The following CHST3 variants were observed in gnomAD, a reference collection of about 807,000 sequenced individuals.
CHST3 encodes the protein C6ST-1.
In CHST3, 20 loss-of-function variants were observed where a neutral mutation model predicts 35.4. The observed-to-expected ratio is 0.57, with a 90% CI of 0.40 to 0.82. The LOEUF is 0.82. Among genes scored for constraint, CHST3 ranks in the 40% least tolerant of loss-of-function variants. The pLI is 0.00. For synonymous variants in CHST3, 334 were observed against 295.9 expected, an observed-to-expected ratio of 1.13 and a Z score of -1.32; for missense variants, 693 against 670.1, an observed-to-expected ratio of 1.03 and a Z score of -0.38.
Position 72,012,362 on chromosome 10 carries a change from G to A in CHST3, c.*3891G>A, listed in dbSNP as rs79037746. ...TCTCCTATACTAGGGCCTATTGACC[G>A]TAGAGGCCAGGTGCGGTGGCTCATA... On this transcript the variant is annotated 3_prime_UTR_variant, in exon 3 of 3. Transcript: ENST00000373115. The A allele has an allele frequency of 2.6e-3, 392 of 152,398 alleles. 2 individuals carry two copies. Among genetic ancestry groups the A allele is most frequent in the African/African-American group, 8.3e-3 (347 of 41,564 alleles). The allele number at this position is 152,398 out of a possible 1,614,324, so 9.4% of individuals were successfully genotyped here.
At chr10:71,984,598 G>A (rs1331332457) in intron 1 of CHST3, among the ~76,000 whole-genome samples, 1 of 152,188 alleles carries the variant, frequency 6.6e-6, no homozygotes, top group Non-Finnish European at 1.5e-5. Context: ...GAGCATAGTG[G>A]TTGAATTTGT....
At chr10:71,991,089 G>T (rs1839892864) in intron 1 of CHST3, among the ~76,000 whole-genome samples, 1 of 152,208 alleles carries the variant, frequency 6.6e-6, no homozygotes, top group Non-Finnish European at 1.5e-5. Flanking sequence ...ACAGCCAGGG[G>T]AGAGAGGCCT....
At chr10:71,999,324 C>A (rs751889981) in intron 1 of CHST3, among the ~76,000 whole-genome samples, 1 of 152,252 alleles carries the variant, frequency 6.6e-6, no homozygotes, top group Non-Finnish European at 1.5e-5. Context: ...GAGCCCACTC[C>A]AAGGTGTTTG....
At chr10:71,990,563 A>G (rs1281121107) in intron 1 of CHST3, among the ~76,000 whole-genome samples, 5 of 152,210 alleles carry the variant, frequency 3.3e-5, no homozygotes, top group African/African-American at 1.2e-4. Flanking sequence ...GGGTTTGTCC[A>G]TATTGGTCAG....
intron 1 of CHST3, among the ~76,000 whole-genome samples, chr10:71,967,805 C>G (rs562867955): frequency 3.2e-4 from 49 of 152,102 alleles, no homozygotes; most frequent in Non-Finnish European, 1.3e-4. Flanking sequence ...TGTATAAGCA[C>G]TCTGTTTTTT....
chr10:71,985,718 C>T (rs1006974), intron 1 of CHST3, among the ~76,000 whole-genome samples: 78,042 of 151,984 alleles, frequency 0.51, 20,629 homozygotes, highest in Non-Finnish European at 0.58. Context: ...TAGATTCACA[C>T]GCAATTTTAA....
Position 72,008,476 on chromosome 10 carries a change from G to T in CHST3, c.*5G>T, listed in dbSNP as rs1254476422. ...GGCACCTTCTGGGTCACGTAGGGGG[G>T]CCGGGGCCCCGTATGCCCCTCCTCG... On this transcript the variant is annotated 3_prime_UTR_variant, in exon 3 of 3. Transcript: ENST00000373115. The T allele has an allele frequency of 2.0e-6, 3 of 1,526,996 alleles. No individual in the cohort carries two copies. Among genetic ancestry groups the T allele is most frequent in the South Asian group, 2.5e-5 (2 of 80,350 alleles). 94.6% of individuals were successfully genotyped at this position (1,526,996 alleles called of 1,614,324 possible). A position where few individuals can be genotyped will look rare whatever the true frequency, so the allele number is the denominator to read the frequency against.
chr10:71,981,811 G>A (rs1037986492), intron 1 of CHST3, among the ~76,000 whole-genome samples: 2 of 152,186 alleles, frequency 1.3e-5, no homozygotes, highest in African/African-American at 2.4e-5. Flanking sequence ...TGTCAACCCC[G>A]CCCCTGGCTG....
At position 72,008,040 on chromosome 10, in the gene CHST3, G is replaced by A; in HGVS notation, c.1009G>A (p.Glu337Lys). 1.3e-6 allele frequency: 2 copies of A among 1,549,446 alleles called. No individual in the cohort carries two copies. The highest frequency in any genetic ancestry group is 1.7e-6 in the Non-Finnish European group (2 of 1,146,510). ...GGGCCAGGACGGCCTGAGGGAAGAG[G>A]AGGTGCAGCGGCTGCGGGGCAACTG... Reference protein sequence around the residue: ...DEGQDGLREEEVQRLRGNCES... With the variant: ...DEGQDGLREEKVQRLRGNCES... Residue 337 changes from glutamate (E) to lysine (K), a missense_variant, in exon 3 of 3, where the codon GAG becomes AAG. Glu to Lys is a moderately conservative substitution (Grantham distance 56). Transcript: ENST00000373115.
chr10:71,990,129 T>C (rs1012734312), intron 1 of CHST3, among the ~76,000 whole-genome samples: 35 of 152,214 alleles, frequency 2.3e-4, no homozygotes, highest in African/African-American at 6.3e-4. Flanking sequence ...GTGGAATTCC[T>C]GGGTCGAAGA....
intron 1 of CHST3, among the ~76,000 whole-genome samples, chr10:71,968,850 A>T (rs1839657952): frequency 6.6e-6 from 1 of 152,126 alleles, no homozygotes; most frequent in South Asian, 2.1e-4. Context: ...TTCCAGTGAG[A>T]CATGACTCAC....
chr10:72,000,869 G>T (rs1408385446), intron 1 of CHST3, among the ~76,000 whole-genome samples: 9 of 152,128 alleles, frequency 5.9e-5, no homozygotes, highest in African/African-American at 1.9e-4. Context: ...AAGCAGGAGG[G>T]GGTGTGGGGA....
chr10:71,966,737 T>C (rs1490183482), intron 1 of CHST3, among the ~76,000 whole-genome samples: 4 of 152,238 alleles, frequency 2.6e-5, no homozygotes, highest in Non-Finnish European at 5.9e-5. Context: ...ATACATTTTC[T>C]AATTAAATCA....
chr10:72,008,808 T>G lies in CHST3; in HGVS notation c.*337T>G. ...GACCCTGCAGGCCAGAGTCCAAATA[T>G]TTAACAATCAGAAGGGGCAAGGCTC... is the stretch of plus-strand genomic sequence containing the variant. On this transcript the variant is annotated 3_prime_UTR_variant, in exon 3 of 3. Transcript: ENST00000373115. 4.4e-6 allele frequency: 1 copy of G among 226,256 alleles called. No homozygotes were observed. The highest frequency in any genetic ancestry group is 8.6e-6 in the Non-Finnish European group (1 of 115,660). 14.0% of individuals were successfully genotyped at this position (226,256 alleles called of 1,614,324 possible). A position where few individuals can be genotyped will look rare whatever the true frequency, so the allele number is the denominator to read the frequency against.
At chr10:71,984,752 T>G (rs900558688) in intron 1 of CHST3, among the ~76,000 whole-genome samples, 1 of 152,226 alleles carries the variant, frequency 6.6e-6, no homozygotes, top group African/African-American at 2.4e-5. Context: ...TTAAGTACAT[T>G]TATGTACATG....
chr10:71,987,511 C>T (rs945123838), intron 1 of CHST3, among the ~76,000 whole-genome samples: 1 of 151,858 alleles, frequency 6.6e-6, no homozygotes, highest in African/African-American at 2.4e-5. Flanking sequence ...GTCAGGAGTT[C>T]AAGACCAGCC....
intron 1 of CHST3, among the ~76,000 whole-genome samples, chr10:71,980,147 C>A (rs1402869570): frequency 6.6e-6 from 1 of 152,224 alleles, no homozygotes; most frequent in Admixed American, 6.5e-5. Flanking sequence ...AGCTCTAGAA[C>A]AGTGGCTTTC....
chr10:71,997,845 T>C (rs1839955585), intron 1 of CHST3, among the ~76,000 whole-genome samples: 1 of 152,106 alleles, frequency 6.6e-6, no homozygotes, highest in Admixed American at 6.5e-5. Context: ...TTTTTGTATT[T>C]TTAGTAGAGA....
chr10:72,012,074 A>C lies in CHST3; in HGVS notation c.*3603A>C, dbSNP rs1173442838. 1 of 152,256 alleles carries C rather than the reference A, an allele frequency of 6.6e-6. No individual in the cohort carries two copies. The highest frequency in any genetic ancestry group is 1.9e-4 in the East Asian group (1 of 5,204). The allele number at this position is 152,256 out of a possible 1,614,324, so 9.4% of individuals were successfully genotyped here. A position where few individuals can be genotyped will look rare whatever the true frequency, so the allele number is the denominator to read the frequency against. On this transcript the variant is annotated 3_prime_UTR_variant, in exon 3 of 3. Coordinates refer to ENST00000373115, the MANE Select transcript of CHST3 (RefSeq NM_004273.5). ...GAAAATAAACAGAAAAGAGATGTTT[A>C]ATAACAAGTTTACTTCCGGTCTGCT...
Sources: gnomAD v4.1 joint callset for allele counts (sites outside exome capture counted in the v4.1 genomes callset) on GRCh38, gnomAD v4.1.1 for gene constraint, MANE v1.5 for transcripts, NCBI Gene and HGNC (gene_info 2026-07-23, HGNC 2026-07-21) for gene names.